The following METTL8 variants were observed in gnomAD, a reference collection of about 807,000 sequenced individuals.
METTL8 encodes the protein methyltransferase 8, tRNA N3-cytidine.
In METTL8, 32 loss-of-function variants were observed where a neutral mutation model predicts 48.7. That is an observed-to-expected ratio of 0.66 (90% CI 0.50 to 0.88). The LOEUF (loss-of-function observed/expected upper bound fraction) is 0.88, where lower values mean the gene tolerates loss of function less well. Among genes scored for constraint, METTL8 ranks in the 40% least tolerant of loss-of-function variants. The probability of loss-of-function intolerance (pLI) is 0.00; values close to 1 mark genes in which losing one functional copy is unlikely to be tolerated. For synonymous variants in METTL8, 136 were observed against 157.1 expected (o/e 0.87, Z 1.01); for missense variants, 464 against 474.4 (o/e 0.98, Z 0.20).
At chr2:171,434,024 G>C (rs1693515719), upstream of METTL8, 1 of 276,582 alleles carries the variant, frequency 3.6e-6, no homozygotes, top group African/African-American at 2.4e-5. Context: ...CCTAAGTGCA[G>C]GGCGCACACA....
chr2:171,407,098 T>C (rs1250147517), intron 1 of METTL8, among the ~76,000 whole-genome samples: 1 of 152,086 alleles, frequency 6.6e-6, no homozygotes, highest in Non-Finnish European at 1.5e-5. Flanking sequence ...ATATAACTAG[T>C]AACCACAGAG....
intron 3 of METTL8, among the ~76,000 whole-genome samples, chr2:171,356,153 T>G (rs1479166563): frequency 2.0e-5 from 3 of 152,198 alleles, no homozygotes; most frequent in African/African-American, 7.2e-5. Context: ...ATTTATTCTC[T>G]TCCAGCTATT....
At chr2:171,389,937 A>T (rs1050487201) in intron 2 of METTL8, among the ~76,000 whole-genome samples, 6 of 152,258 alleles carry the variant, frequency 3.9e-5, no homozygotes, top group African/African-American at 1.4e-4. Flanking sequence ...TATTGGAAGA[A>T]GATGTCATCT....
chr2:171,392,300 C>T (rs1688651034), intron 1 of METTL8, 103 bp from the exon 2 acceptor site: 2 of 891,640 alleles, frequency 2.2e-6, no homozygotes, highest in Admixed American at 6.2e-5. Context: ...TGAGAATGCA[C>T]ATGAAAACTA....
At chr2:171,430,241 C>T (rs1692854923) in intron 1 of METTL8, among the ~76,000 whole-genome samples, 1 of 151,702 alleles carries the variant, frequency 6.6e-6, no homozygotes, top group South Asian at 2.1e-4. Flanking sequence ...GCCTGTAATG[C>T]CAGCAACTGG....
intron 1 of METTL8, among the ~76,000 whole-genome samples, chr2:171,407,026 G>C (rs1023141150): frequency 3.3e-5 from 5 of 152,082 alleles, no homozygotes; most frequent in African/African-American, 1.2e-4. Flanking sequence ...ATCTGGATTA[G>C]GACTATTTAG....
At chr2:171,373,762 T>C (rs1158697537) in intron 2 of METTL8, among the ~76,000 whole-genome samples, 1 of 152,198 alleles carries the variant, frequency 6.6e-6, no homozygotes, top group African/African-American at 2.4e-5. Context: ...CTTGTTTTTG[T>C]CAGGTTTGTC....
Position 171,360,451 on chromosome 2 carries a change from G to A in METTL8, c.206C>T (p.Ser69Leu), listed in dbSNP as rs1227930562. Residue 69 changes from serine to leucine, a missense_variant, in exon 3 of 10, where the codon TCA becomes TTA. Ser to Leu is a moderately radical substitution (Grantham distance 145). Transcript: ENST00000375258. Reference protein sequence around the residue: ...AAARKKVKENSAVRVLLEEQV... With the variant: ...AAARKKVKENLAVRVLLEEQV... ...CTCTTCCAGAAGGACTCGCACAGCT[G>A]AGTTTTCTTTTACTTTTTTTCTGGC... 1 of 1,613,732 alleles carries A rather than the reference G, an allele frequency of 6.2e-7. No individual in the cohort carries two copies. The highest frequency in any genetic ancestry group is 8.5e-7 in the Non-Finnish European group (1 of 1,179,920).
chr2:171,352,708 T>C (rs1684072897), intron 3 of METTL8, among the ~76,000 whole-genome samples: 1 of 152,206 alleles, frequency 6.6e-6, no homozygotes, highest in Non-Finnish European at 1.5e-5. Flanking sequence ...AGGGTATAAG[T>C]GTCCAGGAAT....
At chr2:171,364,382 G>C (rs1027579045) in intron 2 of METTL8, among the ~76,000 whole-genome samples, 3 of 151,750 alleles carry the variant, frequency 2.0e-5, no homozygotes, top group African/African-American at 7.3e-5. Flanking sequence ...ATAATAAGAA[G>C]GAAGTTATGT....
At chr2:171,394,786 G>C (rs912516317) in intron 1 of METTL8, among the ~76,000 whole-genome samples, 11 of 152,156 alleles carry the variant, frequency 7.2e-5, no homozygotes, top group Non-Finnish European at 1.5e-4. Flanking sequence ...GGCAGCACCA[G>C]GCTGCTCATG....
At chr2:171,354,606 T>C (rs572219481) in intron 3 of METTL8, among the ~76,000 whole-genome samples, 136 of 152,328 alleles carry the variant, frequency 8.9e-4, no homozygotes, top group African/African-American at 3.2e-3. Context: ...CAATCAGACG[T>C]AGATTTGGTC....
intron 1 of METTL8, among the ~76,000 whole-genome samples, chr2:171,415,754 G>C (rs1691254106): frequency 1.3e-5 from 2 of 152,110 alleles, no homozygotes; most frequent in South Asian, 4.2e-4. Context: ...ATACTCATGA[G>C]TAGAGGATCC....
intron 2 of METTL8, among the ~76,000 whole-genome samples, chr2:171,379,780 C>G (rs1023280865): frequency 2.0e-5 from 3 of 152,136 alleles, no homozygotes; most frequent in Non-Finnish European, 2.9e-5. Context: ...AAAAAAAGCC[C>G]AGGACCAGAT....
At chr2:171,434,703 G>A, upstream of METTL8, 1 of 1,473,714 alleles carries the variant, frequency 6.8e-7, no homozygotes, top group Non-Finnish European at 8.9e-7. Flanking sequence ...TGGTGTGCCA[G>A]GTGACCGCCA....
chr2:171,342,929 T>C (rs891124834), intron 3 of METTL8, among the ~76,000 whole-genome samples: 4 of 151,628 alleles, frequency 2.6e-5, no homozygotes, highest in Non-Finnish European at 5.9e-5. Flanking sequence ...AATCCCAACA[T>C]TGGAAGGCCC....
intron 7 of METTL8, chr2:171,326,918 T>G (rs1363320346): frequency 6.6e-6 from 1 of 152,228 alleles, no homozygotes; most frequent in Non-Finnish European, 1.5e-5. Flanking sequence ...GCTCAAAAAC[T>G]TTCATGATTT....
intron 2 of METTL8, among the ~76,000 whole-genome samples, chr2:171,383,436 A>G (rs888344634): frequency 6.6e-6 from 1 of 152,182 alleles, no homozygotes; most frequent in Non-Finnish European, 1.5e-5. Context: ...AACAGGGTAG[A>G]ATAAAATAAA....
intron 2 of METTL8, among the ~76,000 whole-genome samples, chr2:171,389,514 CAAAAAAAAAAA>C (rs56087323): frequency 6.0e-4 from 31 of 52,030 alleles, no homozygotes; most frequent in African/African-American, 2.4e-3. Context: ...CCCTGTCTCA[CAAAAAAAAAAA>C]AAAAAAAAAA....
Sources: allele counts gnomAD v4.1 joint callset (sites outside exome capture counted in the v4.1 genomes callset), GRCh38; gene constraint gnomAD v4.1.1; transcripts MANE v1.5; gene names NCBI Gene and HGNC (gene_info 2026-07-23, HGNC 2026-07-21).